TMC1: variants seen among roughly 807,000 people sequenced by gnomAD.
TMC1 encodes transmembrane channel like 1.
TMC1 carries 84 observed loss-of-function variants against 105.8 expected under a neutral mutation model. The observed-to-expected ratio is 0.79, with a 90% CI of 0.67 to 0.95. The LOEUF is 0.95. Among genes scored for constraint, TMC1 ranks in the 40% least tolerant of loss-of-function variants. TMC1 has a pLI of 0.00. For missense variants in TMC1, 817 were observed against 914.1 expected (o/e 0.89, Z 1.37); for synonymous variants, 315 against 311.5 (o/e 1.01, Z -0.12).
chr9:72,538,365 G>C (rs1206533951), intron 1 of TMC1, among the ~76,000 whole-genome samples: 1 of 151,298 alleles, frequency 6.6e-6, no homozygotes, highest in Non-Finnish European at 1.5e-5. Flanking sequence ...TTTTCAAAAT[G>C]TCAAATAAAT....
At chr9:72,822,571 G>A (rs1392162941) in intron 20 of TMC1, among the ~76,000 whole-genome samples, 5 of 145,108 alleles carry the variant, frequency 3.4e-5, no homozygotes, top group Non-Finnish European at 6.1e-5. Flanking sequence ...TTTCCAAGTG[G>A]GCTGAAATAA....
chr9:72,816,276 A>G (rs1828786930), intron 19 of TMC1, 66 bp downstream of exon 19: 4 of 1,460,970 alleles, frequency 2.7e-6, no homozygotes, highest in Non-Finnish European at 3.8e-6. Flanking sequence ...TGCATACAGC[A>G]TTGAATCCTG....
In TMC1 at chr9:72,537,465, CT is replaced by C. The variant is rs199780829; in HGVS notation, c.-428+15555del. 8.9e-3 allele frequency among the ~76,000 whole-genome samples: 1,350 copies of C among 152,286 alleles called. 21 individuals are homozygous for C. Among genetic ancestry groups the C allele is most frequent in the African/African-American group, 0.031 (1,283 of 41,544 alleles). On this transcript the variant is annotated intron_variant, in intron 1 of 23. Coordinates refer to ENST00000297784, the MANE Select transcript of TMC1 (RefSeq NM_138691.3). ...CTTGGTTTTTAGTTACAATTTACAA[CT>C]TTAGGTCACTCATTTGCTGCCATAT... is the stretch of plus-strand genomic sequence containing the variant.
intron 8 of TMC1, among the ~76,000 whole-genome samples, chr9:72,737,931 T>C (rs1343644614): frequency 1.3e-5 from 2 of 152,192 alleles, no homozygotes; most frequent in South Asian, 2.1e-4. Context: ...CAATCTAGTC[T>C]ATCAATTGAG....
chr9:72,527,854 C>G (rs952816913), intron 1 of TMC1, among the ~76,000 whole-genome samples: 1 of 152,138 alleles, frequency 6.6e-6, no homozygotes, highest in African/African-American at 2.4e-5. Flanking sequence ...ACTGCGAGAC[C>G]CTAAACTATG....
At chr9:72,762,296 C>T (rs1827769642) in intron 12 of TMC1, among the ~76,000 whole-genome samples, 1 of 152,126 alleles carries the variant, frequency 6.6e-6, no homozygotes, top group South Asian at 2.1e-4. Flanking sequence ...TGTGTGACCT[C>T]AATGTGAAAA....
intron 8 of TMC1, among the ~76,000 whole-genome samples, chr9:72,728,086 C>T (rs996292613): frequency 6.6e-6 from 1 of 151,916 alleles, no homozygotes; most frequent in African/African-American, 2.4e-5. Flanking sequence ...GACAGATTAA[C>T]AAGAGAAAAA....
At chr9:72,559,133 C>T (rs1401314507) in intron 1 of TMC1, among the ~76,000 whole-genome samples, 5 of 149,982 alleles carry the variant, frequency 3.3e-5, no homozygotes, top group East Asian at 3.9e-4. Context: ...CTTGCTTCGT[C>T]GCCCAGGCTG....
At chr9:72,669,073 G>T (rs1191544616) in intron 5 of TMC1, among the ~76,000 whole-genome samples, 1 of 152,192 alleles carries the variant, frequency 6.6e-6, no homozygotes, top group African/African-American at 2.4e-5. Flanking sequence ...GGGAGGCTGA[G>T]GTGGGGCAGA....
At chr9:72,820,076 C>A (rs948487599) in intron 19 of TMC1, among the ~76,000 whole-genome samples, 1 of 152,022 alleles carries the variant, frequency 6.6e-6, no homozygotes, top group Admixed American at 6.5e-5. Context: ...ATTCCCAAGA[C>A]AAGCTAAAGT....
chr9:72,609,989 A>G (rs1587987431), intron 2 of TMC1, among the ~76,000 whole-genome samples: 1 of 152,030 alleles, frequency 6.6e-6, no homozygotes, highest in East Asian at 1.9e-4. Flanking sequence ...GTAACTTTTC[A>G]TTTTTGTTAC....
chr9:72,662,041 A>G (rs975550691), intron 5 of TMC1, among the ~76,000 whole-genome samples: 15 of 152,214 alleles, frequency 9.9e-5, no homozygotes, highest in Admixed American at 2.0e-4. Flanking sequence ...AAGGAAAAAC[A>G]TTGGAAGGGC....
At chr9:72,677,567 C>T (rs931818811) in intron 5 of TMC1, among the ~76,000 whole-genome samples, 16 of 152,058 alleles carry the variant, frequency 1.1e-4, no homozygotes, top group African/African-American at 3.9e-4. Flanking sequence ...TACAGGGCAC[C>T]CGGCCTGGCA....
chr9:72,581,224 A>G (rs1357876101), intron 2 of TMC1, among the ~76,000 whole-genome samples: 1 of 152,248 alleles, frequency 6.6e-6, no homozygotes, highest in Non-Finnish European at 1.5e-5. Context: ...CTTAACTAGC[A>G]TAAGGGGAAA....
At chr9:72,752,396 AAC>A (rs1827593817) in intron 11 of TMC1, among the ~76,000 whole-genome samples, 1 of 152,028 alleles carries the variant, frequency 6.6e-6, no homozygotes, top group Non-Finnish European at 1.5e-5. Context: ...ATACTGAAGA[AAC>A]ACAAAATGAA....
intron 14 of TMC1, 80 bp from the exon 15 acceptor site, chr9:72,789,043 T>A (rs541234972): frequency 7.3e-7 from 1 of 1,370,506 alleles, no homozygotes; most frequent in African/African-American, 1.4e-5. Context: ...AAATAACTTT[T>A]GAGGTTTTGA....
intron 14 of TMC1, among the ~76,000 whole-genome samples, chr9:72,788,779 A>G (rs555789315): frequency 6.6e-6 from 1 of 152,310 alleles, no homozygotes; most frequent in Admixed American, 6.5e-5. Flanking sequence ...AACTAGAACA[A>G]TGTTCACTAA....
chr9:72,685,643 C>T lies in TMC1; in HGVS notation c.17-3066C>T, dbSNP rs768344979. Among the ~76,000 whole-genome samples the T allele has an allele frequency of 7.2e-5, 11 of 152,210 alleles. No individual in the cohort carries two copies. In the East Asian group the frequency reaches 1.4e-3, roughly 19 times the overall value. ...CCTCCCAAAGTGCTGGGATTACAGG[C>T]GTGAGCCACTGCGCCTGGCCTATAA... On this transcript the variant is annotated intron_variant, in intron 5 of 23. Coordinates refer to ENST00000297784, the MANE Select transcript of TMC1 (RefSeq NM_138691.3).
chr9:72,538,078 C>T (rs1318842336), intron 1 of TMC1, among the ~76,000 whole-genome samples: 1 of 151,560 alleles, frequency 6.6e-6, no homozygotes, highest in East Asian at 1.9e-4. Flanking sequence ...ATTACTTGAG[C>T]CCAGGAGGCA....
Sources: allele counts gnomAD v4.1 joint callset (sites outside exome capture counted in the v4.1 genomes callset), GRCh38; gene constraint gnomAD v4.1.1; transcripts MANE v1.5; gene names NCBI Gene and HGNC (gene_info 2026-07-23, HGNC 2026-07-21).